HMGN5: variants seen among roughly 807,000 people sequenced by gnomAD.
HMGN5 encodes the protein high mobility group nucleosome binding domain 5, also known as high mobility group nucleosome-binding domain-containing protein 5.
In HMGN5, 4 loss-of-function variants were observed where a neutral mutation model predicts 9.5. That is an observed-to-expected ratio of 0.42 (90% CI 0.21 to 0.96). The LOEUF (loss-of-function observed/expected upper bound fraction) is 0.96. HMGN5 is among the 40% of genes least tolerant of loss of function. HMGN5 has a pLI of 0.30. For synonymous variants in HMGN5, 55 were observed against 57.1 expected, an observed-to-expected ratio of 0.96 and a Z score of 0.16; for missense variants, 192 against 187.5, an observed-to-expected ratio of 1.02 and a Z score of -0.14.
At chrX:81,168,285 T>C (rs780478869) in intron 1 of HMGN5, among the ~76,000 whole-genome samples, 2 of 111,977 alleles carry the variant, frequency 1.8e-5, no homozygotes, top group African/African-American at 3.2e-5. Flanking sequence ...AAATATTTCA[T>C]TGGACTTTGC....
intron 1 of HMGN5, among the ~76,000 whole-genome samples, chrX:81,134,379 C>G (rs1276080776): frequency 1.8e-5 from 2 of 111,376 alleles, no homozygotes; most frequent in Non-Finnish European, 3.8e-5. Context: ...ATGAGAGCTT[C>G]ACATTTCATT....
intron 1 of HMGN5, among the ~76,000 whole-genome samples, chrX:81,189,470 G>T (rs1360520954): frequency 9.0e-6 from 1 of 111,690 alleles, no homozygotes; most frequent in Non-Finnish European, 1.9e-5. Flanking sequence ...TCCCATAGTT[G>T]GAATCATACG....
At chrX:81,191,891 C>T (rs1254344630) in intron 1 of HMGN5, among the ~76,000 whole-genome samples, 1 of 111,434 alleles carries the variant, frequency 9.0e-6, no homozygotes, top group Non-Finnish European at 1.9e-5. Flanking sequence ...GTGTGCTTAT[C>T]CAGTTGCTCT....
At position 81,121,642 on chromosome X, in the gene HMGN5, GAACT is replaced by G; in HGVS notation, c.-97_-94del. 1.6e-6 allele frequency: 1 copy of G among 618,291 alleles called. No individual in the cohort carries two copies. 51.0% of individuals were successfully genotyped at this position (618,291 alleles called of 1,213,427 possible). On this transcript the variant is annotated 5_prime_UTR_variant, in exon 2 of 7. The change abolishes the stop of an existing upstream ORF in the 5' untranslated region. Transcript: ENST00000358130. ...CTCCAAGAGCAAATGAGTTTTCAATGAACTAACTGCAGCACGACCTGTACTCTCC... is the reference window on the plus strand; with the variant it reads ...CTCCAAGAGCAAATGAGTTTTCAATGAACTGCAGCACGACCTGTACTCTCC...
Position 81,181,146 on chromosome X carries a change from T to C in HMGN5, c.-124+20591A>G, listed in dbSNP as rs150478543. On this transcript the variant is annotated intron_variant, in intron 1 of 6. Coordinates refer to ENST00000358130, the MANE Select transcript of HMGN5 (RefSeq NM_030763.3). The stretch of plus-strand genomic sequence containing the variant: ...AACCAACATGGCACATGTATACCTA[T>C]GTATCAAACCTGCACATTGTGCACA... Among the ~76,000 whole-genome samples, 553 of 111,080 alleles carry C rather than the reference T, an allele frequency of 5.0e-3. 3 individuals are homozygous for C. The highest frequency in any genetic ancestry group is 8.7e-3 in the Non-Finnish European group (460 of 52,987).
At chrX:81,139,612 C>G (rs763991452) in intron 1 of HMGN5, among the ~76,000 whole-genome samples, 7 of 111,884 alleles carry the variant, frequency 6.3e-5, no homozygotes, top group Non-Finnish European at 1.3e-4. Flanking sequence ...AAAGCAGTCT[C>G]GAATCGCTAA....
chrX:81,163,235 A>G (rs762554741), intron 1 of HMGN5, among the ~76,000 whole-genome samples: 1 of 112,253 alleles, frequency 8.9e-6, no homozygotes, highest in African/African-American at 3.2e-5. Context: ...GAAGCTTTAG[A>G]CAATATTAGC....
chrX:81,151,856 A>G (rs1438665979), intron 1 of HMGN5, among the ~76,000 whole-genome samples: 4 of 110,787 alleles, frequency 3.6e-5, no homozygotes, highest in African/African-American at 9.8e-5. Flanking sequence ...GGGCTGAGAC[A>G]ATGGGGTTTT....
chrX:81,196,005 T>C (rs1296330704), intron 1 of HMGN5, among the ~76,000 whole-genome samples: 1 of 111,209 alleles, frequency 9.0e-6, no homozygotes, highest in African/African-American at 3.3e-5. Flanking sequence ...TGTTGCTTCC[T>C]GCTGATGCAC....
intron 1 of HMGN5, among the ~76,000 whole-genome samples, chrX:81,122,980 T>C (rs2075273586): frequency 9.0e-6 from 1 of 111,602 alleles, no homozygotes; most frequent in Admixed American, 9.5e-5. Flanking sequence ...ACAACCCAAA[T>C]CCTTATCCTG....
chrX:81,200,933 T>C (rs2075524979), intron 1 of HMGN5, among the ~76,000 whole-genome samples: 1 of 111,690 alleles, frequency 9.0e-6, no homozygotes, highest in South Asian at 3.8e-4. Context: ...GGAAAACTAT[T>C]TTTCTGAGTT....
At chrX:81,194,031 C>A (rs766801160) in intron 1 of HMGN5, among the ~76,000 whole-genome samples, 347 of 111,375 alleles carry the variant, frequency 3.1e-3, no homozygotes, top group Non-Finnish European at 5.6e-3. Flanking sequence ...CATGTATAAT[C>A]ATTTGATTTT....
intron 1 of HMGN5, among the ~76,000 whole-genome samples, chrX:81,186,340 T>G (rs777785718): frequency 1.8e-5 from 2 of 112,212 alleles, no homozygotes; most frequent in East Asian, 2.8e-4. Context: ...TCAACCTTGG[T>G]AACTTGTATT....
chrX:81,149,512 T>G (rs1385019990), intron 1 of HMGN5, among the ~76,000 whole-genome samples: 1 of 111,420 alleles, frequency 9.0e-6, no homozygotes, highest in Non-Finnish European at 1.9e-5. Flanking sequence ...AGGAGAAATA[T>G]CTAATGTAGA....
chrX:81,160,326 G>T (rs1237171676), intron 1 of HMGN5, among the ~76,000 whole-genome samples: 1 of 111,556 alleles, frequency 9.0e-6, no homozygotes, highest in Non-Finnish European at 1.9e-5. Flanking sequence ...TAACTTGTGT[G>T]CAGACTTCTT....
At chrX:81,142,781 G>A (rs746895990) in intron 1 of HMGN5, among the ~76,000 whole-genome samples, 2 of 111,601 alleles carry the variant, frequency 1.8e-5, no homozygotes, top group African/African-American at 3.3e-5. Context: ...ATCACCTGAA[G>A]GTACATATCT....
intron 1 of HMGN5, among the ~76,000 whole-genome samples, chrX:81,169,823 G>A (rs182204713): frequency 4.5e-4 from 50 of 111,083 alleles, no homozygotes; most frequent in African/African-American, 1.5e-3. Context: ...GGGAGGTCAA[G>A]GTGGGCTGAC....
At chrX:81,118,803 AAAAAGCTAGAATT>A (rs749849050) in intron 3 of HMGN5, 44 bp from the exon 4 acceptor site, 6 of 928,548 alleles carry the variant, frequency 6.5e-6, no homozygotes, top group Non-Finnish European at 3.1e-6. Context: ...TTATGGATAC[AAAAAGCTAGAATT>A]ATTTTTATTG....
chrX:81,136,090 G>C (rs895106956), intron 1 of HMGN5, among the ~76,000 whole-genome samples: 1 of 111,667 alleles, frequency 9.0e-6, no homozygotes, highest in Non-Finnish European at 1.9e-5. Flanking sequence ...CCAGCCTCCA[G>C]AACTGTGAGC....
Sources: allele counts gnomAD v4.1 joint callset (sites outside exome capture counted in the v4.1 genomes callset), GRCh38; gene constraint gnomAD v4.1.1; transcripts MANE v1.5; gene names NCBI Gene and HGNC (gene_info 2026-07-23, HGNC 2026-07-21).